Variants in PTPN12 observed in about 807,000 individuals in gnomAD.
The protein encoded by PTPN12 is protein tyrosine phosphatase non-receptor type 12.
A neutral mutation model predicts 97.6 loss-of-function variants in PTPN12; 29 were observed. The observed-to-expected ratio is 0.30, with a 90% CI of 0.22 to 0.41. The LOEUF is 0.41. Among genes scored for constraint, PTPN12 ranks in the 10% least tolerant of loss-of-function variants. The pLI, the probability that PTPN12 is intolerant of heterozygous loss-of-function variation, is 1.00. For missense variants in PTPN12, 819 were observed against 926.0 expected, an observed-to-expected ratio of 0.88 and a Z score of 1.50; for synonymous variants, 327 against 300.4, an observed-to-expected ratio of 1.09 and a Z score of -0.91.
chr7:77,593,487 C>T (rs1396551996), intron 6 of PTPN12, among the ~76,000 whole-genome samples: 3 of 152,186 alleles, frequency 2.0e-5, no homozygotes, highest in African/African-American at 7.2e-5. Context: ...CAGTTTCAGT[C>T]TGAATGCTGA....
intron 13 of PTPN12, among the ~76,000 whole-genome samples, chr7:77,629,016 C>G (rs974414693): frequency 6.6e-6 from 1 of 152,212 alleles, no homozygotes; most frequent in African/African-American, 2.4e-5. Flanking sequence ...GTGGCGCAAT[C>G]TTGGCTCACT....
At chr7:77,588,708 G>C (rs1182621183) in intron 5 of PTPN12, among the ~76,000 whole-genome samples, 3 of 152,084 alleles carry the variant, frequency 2.0e-5, no homozygotes, top group Non-Finnish European at 4.4e-5. Context: ...AATTAATTAG[G>C]TATTGTTACT....
intron 7 of PTPN12, among the ~76,000 whole-genome samples, chr7:77,598,130 G>A (rs1788078028): frequency 6.6e-6 from 1 of 152,174 alleles, no homozygotes; most frequent in Non-Finnish European, 1.5e-5. Context: ...AGAAGGCTGA[G>A]CCCGGGAGGT....
chr7:77,612,821 T>C (rs2868787), intron 11 of PTPN12, among the ~76,000 whole-genome samples: 103,859 of 150,998 alleles, frequency 0.69, 36,804 homozygotes, highest in East Asian at 0.9. Flanking sequence ...GAAGTCTCAC[T>C]CTGTCACTTA....
At position 77,636,921 on chromosome 7, in the gene PTPN12, T is replaced by C. The variant is rs551750796; in HGVS notation, c.2143-97T>C. 3.7e-3 allele frequency: 3,178 copies of C among 853,384 alleles called. 16 individuals are homozygous for C. The highest frequency in any genetic ancestry group is 4.9e-3 in the Non-Finnish European group (2,724 of 556,242). 52.9% of individuals were successfully genotyped at this position (853,384 alleles called of 1,614,324 possible). A position where few individuals can be genotyped will look rare whatever the true frequency, so the allele number is the denominator to read the frequency against. ...CTCTGATGCTGAAAATGATAGGCCT[T>C]GATTTCTTGGGATATATACCCATAA... On this transcript the variant is annotated intron_variant, in intron 15 of 17. Transcript: ENST00000248594.
chr7:77,606,358 A>G (rs546773736), intron 8 of PTPN12, among the ~76,000 whole-genome samples: 24 of 152,124 alleles, frequency 1.6e-4, no homozygotes, highest in Non-Finnish European at 2.8e-4. Context: ...CTTAGTAGCT[A>G]TTCTCTGTGT....
intron 1 of PTPN12, among the ~76,000 whole-genome samples, chr7:77,539,397 A>G (rs1806839948): frequency 6.6e-6 from 1 of 152,180 alleles, no homozygotes; most frequent in South Asian, 2.1e-4. Context: ...TAGCCTATGT[A>G]TTTTTGAAAA....
chr7:77,542,061 C>G (rs1807003945), intron 1 of PTPN12, among the ~76,000 whole-genome samples: 1 of 152,092 alleles, frequency 6.6e-6, no homozygotes, highest in Admixed American at 6.6e-5. Flanking sequence ...GGAGGTGGTC[C>G]TGGACCATAC....
At position 77,618,520 on chromosome 7, in the gene PTPN12, C is replaced by T; in HGVS notation, c.980C>T (p.Pro327Leu). 1.9e-6 allele frequency: 3 copies of T among 1,609,596 alleles called. No homozygotes were observed. The highest frequency in any genetic ancestry group is 1.3e-5 in the African/African-American group (1 of 74,864). The change falls in exon 12 of 18, where the codon CCT becomes CTT. Residue 327 changes from proline to leucine, a missense_variant. By Grantham distance (98) the Pro-to-Leu change is moderately conservative. This residue lies in a region of PTPN12 where 607 missense variants were observed against 577.3 expected (regional missense o/e 1.05). Coordinates refer to ENST00000248594, the MANE Select transcript of PTPN12 (RefSeq NM_002835.4). ...GAAAACATGGTCAGCTCCATAGAGC[C>T]TGAAAAACAAGATTCTCCTCCTCCA... ...NTENMVSSIE[P>L]EKQDSPPPKP...
intron 2 of PTPN12, among the ~76,000 whole-genome samples, chr7:77,577,428 T>C (rs757678250): frequency 3.3e-5 from 5 of 152,176 alleles, no homozygotes; most frequent in Non-Finnish European, 7.3e-5. Flanking sequence ...GAACCTATTA[T>C]GCTACCTATA....
intron 12 of PTPN12, among the ~76,000 whole-genome samples, chr7:77,622,555 G>T (rs1788977300): frequency 6.6e-6 from 1 of 152,058 alleles, no homozygotes; most frequent in Non-Finnish European, 1.5e-5. Flanking sequence ...AGATCACAAG[G>T]TCAGGAGTTT....
intron 6 of PTPN12, among the ~76,000 whole-genome samples, chr7:77,593,890 C>A (rs1240431073): frequency 6.6e-6 from 1 of 152,148 alleles, no homozygotes; most frequent in Non-Finnish European, 1.5e-5. Context: ...AATATAATTT[C>A]TGTGGTTTTA....
chr7:77,611,981 A>ATTT (rs370589017), intron 11 of PTPN12, among the ~76,000 whole-genome samples: 3 of 140,044 alleles, frequency 2.1e-5, no homozygotes, highest in East Asian at 2.1e-4. Context: ...AGGTGCTGAG[A>ATTT]TTTTTTTTTT....
chr7:77,617,232 C>G lies in PTPN12; in HGVS notation c.940-1248C>G, dbSNP rs539544129. 1.4e-4 allele frequency among the ~76,000 whole-genome samples: 21 copies of G among 152,242 alleles called. No individual in the cohort carries two copies. In the South Asian group the frequency reaches 3.9e-3, roughly 29 times the overall value. ...TAATTAATAATGCTTCTTTTTCATT[C>G]TCAAAAGAGCCCTGATTTAGACAAT... On this transcript the variant is annotated intron_variant, in intron 11 of 17. Transcript: ENST00000248594.
intron 1 of PTPN12, chr7:77,564,240 T>C (rs1808130312): frequency 6.4e-6 from 1 of 156,800 alleles, no homozygotes; most frequent in Non-Finnish European, 1.4e-5. Context: ...GATAATACAG[T>C]GTTACTTTGA....
At chr7:77,563,978 C>T (rs369666836) in intron 1 of PTPN12, 18 of 426,482 alleles carry the variant, frequency 4.2e-5, no homozygotes, top group South Asian at 2.0e-4. Flanking sequence ...GGTGTGATCT[C>T]GGCTCACTGC....
At chr7:77,594,567 A>G (rs375337568) in intron 6 of PTPN12, among the ~76,000 whole-genome samples, 48 of 152,220 alleles carry the variant, frequency 3.2e-4, no homozygotes, top group African/African-American at 1.1e-3. Flanking sequence ...GTTGGAGTGC[A>G]GTGGTCTGAT....
intron 1 of PTPN12, among the ~76,000 whole-genome samples, chr7:77,543,919 A>G (rs1807104076): frequency 6.6e-6 from 1 of 152,122 alleles, no homozygotes; most frequent in Admixed American, 6.6e-5. Flanking sequence ...CATCGTGTTG[A>G]TGGGTATTTG....
intron 6 of PTPN12, among the ~76,000 whole-genome samples, chr7:77,594,964 G>A (rs1180816003): frequency 6.6e-6 from 1 of 152,174 alleles, no homozygotes; most frequent in Non-Finnish European, 1.5e-5. Flanking sequence ...GAATGCAATA[G>A]TTTATAATGT....
Sources: allele counts gnomAD v4.1 joint callset (sites outside exome capture counted in the v4.1 genomes callset), GRCh38; gene constraint gnomAD v4.1.1; regional missense constraint gnomAD v4.1.1; transcripts MANE v1.5; gene names NCBI Gene and HGNC (gene_info 2026-07-23, HGNC 2026-07-21).